The following RABGAP1L variants were observed in gnomAD, a reference collection of about 807,000 sequenced individuals.
RABGAP1L encodes RAB GTPase activating protein 1 like, also known as rab GTPase-activating protein 1-like.
In RABGAP1L, 63 loss-of-function variants were observed where a neutral mutation model predicts 137.7. The observed-to-expected ratio is 0.46, with a 90% CI of 0.37 to 0.56. The LOEUF (loss-of-function observed/expected upper bound fraction) is 0.56. Ranked by LOEUF, RABGAP1L falls within the 20% of genes least tolerant of loss-of-function variation. The pLI is 0.00. For synonymous variants in RABGAP1L, 431 were observed against 433.7 expected (o/e 0.99, Z 0.08); for missense variants, 1,095 against 1,244.0 (o/e 0.88, Z 1.80).
At chr1:174,477,842 A>G (rs1658662340) in intron 13 of RABGAP1L, among the ~76,000 whole-genome samples, 1 of 152,158 alleles carries the variant, frequency 6.6e-6, no homozygotes, top group Admixed American at 6.6e-5. Context: ...TTTGAGATCA[A>G]TTAGTGCTTA....
chr1:174,281,472 C>T (rs1254927925), intron 10 of RABGAP1L, among the ~76,000 whole-genome samples: 1 of 152,154 alleles, frequency 6.6e-6, no homozygotes, highest in Non-Finnish European at 1.5e-5. Flanking sequence ...CTGATTGGTG[C>T]GTTTACGCTC....
intron 18 of RABGAP1L, among the ~76,000 whole-genome samples, chr1:174,784,738 TG>T (rs1448110324): frequency 3.3e-5 from 5 of 151,980 alleles, no homozygotes; most frequent in Admixed American, 3.3e-4. Context: ...AGCCTAGAAA[TG>T]GGGGTAAGGG....
chr1:174,250,481 A>G lies in RABGAP1L; in HGVS notation c.724A>G (p.Arg242Gly). 1 of 1,602,428 alleles carries G rather than the reference A, an allele frequency of 6.2e-7. No homozygotes were observed. Among genetic ancestry groups the G allele is most frequent in the Non-Finnish European group, 8.5e-7 (1 of 1,174,086 alleles). ...TCCTTTTTTATTCTTTTAGGTAAGC[A>G]GAATTTTGTACAGTTTCTGTACAGC... is the stretch of plus-strand genomic sequence containing the variant. The part of the protein sequence containing the change: ...FSCEIKEAVS[R>G]ILYSFCTAFK... Residue 242 changes from arginine (R) to glycine (G), a missense_variant, in exon 6 of 26, where the codon AGA becomes GGA. By Grantham distance (125) the Arg-to-Gly change is moderately radical. Around this residue, in one of 4 missense-constraint regions of RABGAP1L, gnomAD observed 356 missense variants for 326.3 expected, o/e 1.09. Transcript: ENST00000681986.
chr1:174,402,274 C>G (rs558951586), intron 13 of RABGAP1L, among the ~76,000 whole-genome samples: 2 of 152,108 alleles, frequency 1.3e-5, no homozygotes, highest in Admixed American at 6.6e-5. Flanking sequence ...AGGGACAACT[C>G]ATCCCTACTT....
At chr1:174,909,627 A>G (rs1264108813) in intron 19 of RABGAP1L, among the ~76,000 whole-genome samples, 13 of 152,248 alleles carry the variant, frequency 8.5e-5, no homozygotes, top group Non-Finnish European at 1.5e-4. Context: ...ATGGAAAGTT[A>G]AAATCGAAAC....
At chr1:174,329,039 CAA>C (rs59672024) in intron 11 of RABGAP1L, among the ~76,000 whole-genome samples, 1 of 132,874 alleles carries the variant, frequency 7.5e-6, no homozygotes. Flanking sequence ...CTTAAAAATA[CAA>C]AAAAAAAAAC....
At chr1:174,985,938 CTTTTT>C (rs1036564049) in intron 24 of RABGAP1L, among the ~76,000 whole-genome samples, 1 of 151,634 alleles carries the variant, frequency 6.6e-6, no homozygotes, top group African/African-American at 2.4e-5. Flanking sequence ...TCCTTCCTTT[CTTTTT>C]TTCTTTTTTT....
In RABGAP1L at chr1:174,210,368, T is replaced by C. The variant is rs145504942; in HGVS notation, c.-33-8757T>C. 3.9e-3 allele frequency among the ~76,000 whole-genome samples: 596 copies of C among 152,264 alleles called. 4 individuals carry two copies. The highest frequency in any genetic ancestry group is 0.012 in the African/African-American group (515 of 41,546). ...CACAGAGAAGGAATTCAGAATTCTA[T>C]CAGATATATTGAACACAGATTTAAA... On this transcript the variant is annotated intron_variant, in intron 1 of 25. Transcript: ENST00000681986.
chr1:174,942,680 C>G (rs998442978), intron 19 of RABGAP1L, among the ~76,000 whole-genome samples: 1 of 152,150 alleles, frequency 6.6e-6, no homozygotes, highest in African/African-American at 2.4e-5. Context: ...GCACTCAGTG[C>G]CTGGCACATA....
At chr1:174,453,517 C>A (rs1428747851) in intron 13 of RABGAP1L, among the ~76,000 whole-genome samples, 1 of 152,176 alleles carries the variant, frequency 6.6e-6, no homozygotes, top group Non-Finnish European at 1.5e-5. Context: ...GCTGGTATAA[C>A]ATTCTGAGCA....
intron 13 of RABGAP1L, among the ~76,000 whole-genome samples, chr1:174,606,572 C>T (rs1670810759): frequency 6.6e-6 from 1 of 152,198 alleles, no homozygotes; most frequent in Non-Finnish European, 1.5e-5. Flanking sequence ...CAGACATTTT[C>T]AGTATCTTTG....
chr1:174,840,828 A>G (rs201885970), intron 19 of RABGAP1L, among the ~76,000 whole-genome samples: 1 of 25,988 alleles, frequency 3.8e-5, no homozygotes. Flanking sequence ...AAAAAAAAAT[A>G]AAAAAAAAAA....
At chr1:174,795,155 T>C (rs1279423869) in intron 18 of RABGAP1L, among the ~76,000 whole-genome samples, 1 of 152,076 alleles carries the variant, frequency 6.6e-6, no homozygotes, top group Non-Finnish European at 1.5e-5. Flanking sequence ...TTACTCTCTC[T>C]TATTGGGTAT....
At chr1:174,598,450 AT>A (rs1287581230) in intron 13 of RABGAP1L, among the ~76,000 whole-genome samples, 2 of 151,900 alleles carry the variant, frequency 1.3e-5, no homozygotes, top group African/African-American at 4.8e-5. Context: ...GCTAAGTCCA[AT>A]TTTTTTGTTG....
At position 174,970,105 on chromosome 1, in the gene RABGAP1L, G is replaced by GTTT. The variant is rs1223134353; in HGVS notation, c.2544+722_2544+724dup. 2.0e-5 allele frequency among the ~76,000 whole-genome samples: 3 copies of GTTT among 152,166 alleles called. 1 individual carries two copies. Among genetic ancestry groups the GTTT allele is most frequent in the African/African-American group, 7.2e-5 (3 of 41,450 alleles). Reference sequence around the variant, plus strand: ...GGTAGAAAAAGCTGCCCAGAGAATGGTTTTTTAAAAAGTTGTGGCCCTGTT... The same window carrying GTTT: ...GGTAGAAAAAGCTGCCCAGAGAATGGTTTTTTTTTAAAAAGTTGTGGCCCTGTT... On this transcript the variant is annotated intron_variant, in intron 21 of 25. Transcript: ENST00000681986.
At chr1:174,662,824 A>C (rs562017713) in intron 14 of RABGAP1L, among the ~76,000 whole-genome samples, 1 of 152,344 alleles carries the variant, frequency 6.6e-6, no homozygotes, top group African/African-American at 2.4e-5. Context: ...GGCCTAGCCT[A>C]ATGTGGGTGT....
intron 13 of RABGAP1L, among the ~76,000 whole-genome samples, chr1:174,576,711 G>C (rs1668399863): frequency 6.6e-6 from 1 of 152,144 alleles, no homozygotes; most frequent in South Asian, 2.1e-4. Flanking sequence ...ATATCACACT[G>C]CTGAAACTGA....
intron 19 of RABGAP1L, among the ~76,000 whole-genome samples, chr1:174,951,543 A>G (rs1437949456): frequency 1.3e-5 from 2 of 152,212 alleles, no homozygotes; most frequent in African/African-American, 4.8e-5. Flanking sequence ...GAATACATCA[A>G]TGCAGTGCTA....
chr1:174,764,723 C>A (rs1274482318), intron 18 of RABGAP1L, among the ~76,000 whole-genome samples: 1 of 152,190 alleles, frequency 6.6e-6, no homozygotes, highest in Non-Finnish European at 1.5e-5. Context: ...CCTTCTGCCT[C>A]AGCCTCCAAA....
Sources: gnomAD v4.1 joint callset for allele counts (sites outside exome capture counted in the v4.1 genomes callset) on GRCh38, gnomAD v4.1.1 for gene constraint, gnomAD v4.1.1 regional missense constraint, MANE v1.5 for transcripts, NCBI Gene and HGNC (gene_info 2026-07-23, HGNC 2026-07-21) for gene names.